The following SH3BGRL variants were observed in gnomAD, a reference collection of about 807,000 sequenced individuals.
SH3BGRL encodes adapter SH3BGRL.
Under a neutral mutation model 9.8 loss-of-function variants are expected in SH3BGRL, and 7 were observed. The ratio of observed to expected loss-of-function variants is 0.72; its 90% CI spans 0.41 to 1.35. SH3BGRL has a LOEUF of 1.35. Among genes scored for constraint, SH3BGRL ranks in the 40% most tolerant of loss-of-function variants. The probability of loss-of-function intolerance (pLI) is 0.01; values close to 1 mark genes in which losing one functional copy is unlikely to be tolerated. For synonymous variants in SH3BGRL, 36 were observed against 29.1 expected (o/e 1.24, Z -0.76); for missense variants, 73 against 84.4 (o/e 0.86, Z 0.53).
intron 1 of SH3BGRL, among the ~76,000 whole-genome samples, chrX:81,248,480 C>T (rs1030525403): frequency 5.2e-4 from 58 of 112,232 alleles, no homozygotes; most frequent in African/African-American, 1.9e-3. Context: ...CCAGAAGAGA[C>T]AGCTGCTGTA....
At chrX:81,243,605 G>A (rs2075678636) in intron 1 of SH3BGRL, among the ~76,000 whole-genome samples, 1 of 110,894 alleles carries the variant, frequency 9.0e-6, no homozygotes, top group African/African-American at 3.3e-5. Context: ...TCTATGATAT[G>A]GGGATGGATA....
At chrX:81,283,978 T>C (rs1283643156) in intron 3 of SH3BGRL, among the ~76,000 whole-genome samples, 1 of 110,591 alleles carries the variant, frequency 9.0e-6, no homozygotes, top group Non-Finnish European at 1.9e-5. Flanking sequence ...AATTTCCAGA[T>C]CCAAGATTAA....
chrX:81,280,271 A>G (rs758874370), intron 3 of SH3BGRL, among the ~76,000 whole-genome samples: 3 of 110,715 alleles, frequency 2.7e-5, no homozygotes, highest in Admixed American at 9.6e-5. Context: ...AAGAGCATAT[A>G]ATCTTGGAAG....
At chrX:81,226,514 A>C (rs1031667939) in intron 1 of SH3BGRL, among the ~76,000 whole-genome samples, 4 of 103,757 alleles carry the variant, frequency 3.9e-5, no homozygotes, top group Admixed American at 1.1e-4. Flanking sequence ...ATATCTATAT[A>C]TATATATCTA....
chrX:81,212,290 T>C (rs2075567343), intron 1 of SH3BGRL, among the ~76,000 whole-genome samples: 1 of 110,264 alleles, frequency 9.1e-6, no homozygotes, highest in South Asian at 3.9e-4. Context: ...TTCTAAACAA[T>C]GTTGAGGGGA....
chrX:81,217,277 C>G (rs921417933), intron 1 of SH3BGRL, among the ~76,000 whole-genome samples: 2 of 110,017 alleles, frequency 1.8e-5, no homozygotes, highest in East Asian at 5.8e-4. Flanking sequence ...TAGTTCTGCT[C>G]TGATCTTTGA....
intron 1 of SH3BGRL, among the ~76,000 whole-genome samples, chrX:81,229,078 C>A (rs1402701182): frequency 9.0e-6 from 1 of 111,642 alleles, no homozygotes; most frequent in East Asian, 2.8e-4. Context: ...GAATTTGTGT[C>A]CAGAGGCTGT....
intron 3 of SH3BGRL, among the ~76,000 whole-genome samples, chrX:81,284,741 G>A (rs1358933200): frequency 9.0e-6 from 1 of 111,027 alleles, no homozygotes; most frequent in Non-Finnish European, 1.9e-5. Flanking sequence ...TTAGATCCCT[G>A]AGGAGAATTG....
chrX:81,261,701 G>A (rs1569365506), intron 1 of SH3BGRL, among the ~76,000 whole-genome samples: 1 of 111,277 alleles, frequency 9.0e-6, no homozygotes, highest in Non-Finnish European at 1.9e-5. Context: ...CTAGGATTTG[G>A]AGAATAAGGA....
At chrX:81,248,739 G>A (rs888194089) in intron 1 of SH3BGRL, among the ~76,000 whole-genome samples, 5 of 111,620 alleles carry the variant, frequency 4.5e-5, no homozygotes, top group Non-Finnish European at 7.5e-5. Flanking sequence ...GAAAATATCC[G>A]CAGCTTTTCC....
chrX:81,260,133 T>C (rs971488431), intron 1 of SH3BGRL, among the ~76,000 whole-genome samples: 4 of 111,975 alleles, frequency 3.6e-5, no homozygotes, highest in African/African-American at 1.3e-4. Flanking sequence ...GAATTAAGCA[T>C]AATGCAAAAG....
chrX:81,255,195 C>A (rs924111857), intron 1 of SH3BGRL, among the ~76,000 whole-genome samples: 1 of 111,693 alleles, frequency 9.0e-6, no homozygotes, highest in African/African-American at 3.3e-5. Flanking sequence ...GCCACAAATT[C>A]TTTTAAAAAG....
chrX:81,236,616 C>CA (rs970228985), intron 1 of SH3BGRL, among the ~76,000 whole-genome samples: 1 of 111,213 alleles, frequency 9.0e-6, no homozygotes, highest in African/African-American at 3.3e-5. Flanking sequence ...GATGCACCAT[C>CA]AAAAAACATC....
rs1176292325 is a variant in SH3BGRL, at chrX:81,210,097, C to T, written c.45+7852C>T. 3.6e-5 allele frequency among the ~76,000 whole-genome samples: 4 copies of T among 110,553 alleles called. No homozygotes were observed. In the South Asian group the frequency reaches 1.6e-3, roughly 43 times the overall value. On this transcript the variant is annotated intron_variant, in intron 1 of 3. Coordinates refer to ENST00000373212, the MANE Select transcript of SH3BGRL (RefSeq NM_003022.3). The stretch of plus-strand genomic sequence containing the variant: ...GCTTAGTCCTTTTTGGAAATGAGAC[C>T]CTATCCTAGAGTTAGGGTCTAGCCA...
intron 1 of SH3BGRL, among the ~76,000 whole-genome samples, chrX:81,261,645 G>T (rs1356944908): frequency 1.8e-5 from 2 of 111,141 alleles, no homozygotes; most frequent in African/African-American, 3.3e-5. Flanking sequence ...ATACTTTGTA[G>T]GGCCCTGGGC....
At chrX:81,208,516 A>T (rs2075554199) in intron 1 of SH3BGRL, among the ~76,000 whole-genome samples, 1 of 112,232 alleles carries the variant, frequency 8.9e-6, no homozygotes, top group South Asian at 3.6e-4. Context: ...GCTTTAATGG[A>T]ATTATCAAGG....
intron 1 of SH3BGRL, among the ~76,000 whole-genome samples, chrX:81,240,210 A>T (rs1005210295): frequency 3.3e-4 from 37 of 112,245 alleles, no homozygotes; most frequent in Non-Finnish European, 6.6e-4. Flanking sequence ...TAACTACAAC[A>T]TCTTTTGGAG....
intron 1 of SH3BGRL, among the ~76,000 whole-genome samples, chrX:81,269,606 C>T (rs1177797164): frequency 8.9e-6 from 1 of 111,776 alleles, no homozygotes; most frequent in Non-Finnish European, 1.9e-5. Context: ...TGATGGGCTT[C>T]CCTTTGTGGG....
intron 1 of SH3BGRL, among the ~76,000 whole-genome samples, chrX:81,212,725 A>C (rs2075569151): frequency 1.8e-5 from 2 of 111,445 alleles, no homozygotes; most frequent in African/African-American, 3.3e-5. Context: ...CGAGAAGTAA[A>C]GTACACATCC....
Sources: gnomAD v4.1 joint callset for allele counts (sites outside exome capture counted in the v4.1 genomes callset) on GRCh38, gnomAD v4.1.1 for gene constraint, MANE v1.5 for transcripts, NCBI Gene and HGNC (gene_info 2026-07-23, HGNC 2026-07-21) for gene names.